The following EPHX3 variants were observed in gnomAD, a reference collection of about 807,000 sequenced individuals.
The protein encoded by EPHX3 is epoxide hydrolase 3.
In EPHX3, 39 loss-of-function variants were observed where a neutral mutation model predicts 40.2. That is an observed-to-expected ratio of 0.97 (90% confidence interval 0.75 to 1.27). EPHX3 has a LOEUF of 1.27. Among genes scored for constraint, EPHX3 ranks in the 50% most tolerant of loss-of-function variants. EPHX3 has a pLI of 0.00. For missense variants in EPHX3, 442 were observed against 474.0 expected (o/e 0.93, Z 0.63); for synonymous variants, 213 against 209.7 (o/e 1.02, Z -0.14).
chr19:15,232,247 C>A lies in EPHX3; in HGVS notation c.-36G>T. 6.9e-7 allele frequency: 1 copy of A among 1,450,830 alleles called. No homozygotes were observed. The highest frequency in any genetic ancestry group is 1.4e-5 in the South Asian group (1 of 71,866). 89.9% of individuals were successfully genotyped at this position (1,450,830 alleles called of 1,614,324 possible). ...TCCGGGACCACGGCGGCGCTGCCGG[C>A]CAGGGGCACCTGCAGCAGCGGCGAA... is the stretch of plus-strand genomic sequence containing the variant. On this transcript the variant is annotated 5_prime_UTR_variant, in exon 1 of 7. Transcript: ENST00000221730.
intron 4 of EPHX3, among the ~76,000 whole-genome samples, chr19:15,229,406 C>T (rs1008992284): frequency 1.3e-5 from 2 of 151,800 alleles, no homozygotes; most frequent in Non-Finnish European, 2.9e-5. Context: ...TCAAGACCAG[C>T]CTGGCCAACA....
upstream of EPHX3, chr19:15,235,695 G>A (rs2047187612): frequency 6.6e-6 from 1 of 152,194 alleles, no homozygotes. Context: ...CGTGCATACA[G>A]TACAGTGGGG....
At position 15,228,061 on chromosome 19, in the gene EPHX3, T is replaced by C; in HGVS notation, c.656A>G (p.His219Arg). 1 of 1,371,632 alleles carries C rather than the reference T, an allele frequency of 7.3e-7. No individual in the cohort carries two copies. The highest frequency in any genetic ancestry group is 1.1e-5 in the South Asian group (1 of 87,718). The allele number at this position is 1,371,632 out of a possible 1,614,324, so 85.0% of individuals were successfully genotyped here. ...LHHISQFFRS[H>R]YMFLFQLPWL... ...GGGCAGCTGGAACAGGAACATGTAG[T>C]GGGAACGGAAGAACTGGCTGATGTG... is the stretch of plus-strand genomic sequence containing the variant. The change falls in exon 5 of 7, where the codon CAC becomes CGC. Residue 219 changes from histidine (H) to arginine (R), a missense_variant. By Grantham distance (29) the His-to-Arg change is conservative (BLOSUM62 0). Coordinates refer to ENST00000221730, the MANE Select transcript of EPHX3 (RefSeq NM_024794.3).
upstream of EPHX3, among the ~76,000 whole-genome samples, chr19:15,235,119 A>G (rs2047182100): frequency 6.6e-6 from 1 of 151,974 alleles, no homozygotes; most frequent in Non-Finnish European, 1.5e-5. Flanking sequence ...CTCCTGCCTC[A>G]GCCTCCGGAG....
chr19:15,236,495 G>A (rs1435460565), upstream of EPHX3: 1 of 150,992 alleles, frequency 6.6e-6, no homozygotes, highest in Non-Finnish European at 1.5e-5. Context: ...CAAGTCCTTT[G>A]GTGAGTGGGG....
In EPHX3 at chr19:15,231,836, A is replaced by G. The variant is rs1599421894; in HGVS notation, c.269T>C (p.Val90Ala). ...LKSSGLRLHY[V>A]SAGRGNGPLM... ...GGGTCCGTTACCTCGTCCAGCCGAG[A>G]CATAGTGCAGACGCAGGCCCGAGCT... The change falls in exon 2 of 7, where the codon GTC becomes GCC. Residue 90 changes from valine to alanine, a missense_variant. Coordinates refer to ENST00000221730, the MANE Select transcript of EPHX3 (RefSeq NM_024794.3). 1 of 1,613,804 alleles carries G rather than the reference A, an allele frequency of 6.2e-7. No individual in the cohort carries two copies.
chr19:15,235,243 C>T (rs556700048), upstream of EPHX3, among the ~76,000 whole-genome samples: 1 of 152,018 alleles, frequency 6.6e-6, no homozygotes, highest in Non-Finnish European at 1.5e-5. Flanking sequence ...TGACCTCAAG[C>T]GATCCTCCCA....
In EPHX3 at chr19:15,232,293, C is replaced by A. The variant is rs1051765956; in HGVS notation, c.-82G>T. On this transcript the variant is annotated 5_prime_UTR_variant, in exon 1 of 7. Coordinates refer to ENST00000221730, the MANE Select transcript of EPHX3 (RefSeq NM_024794.3). ...GCGAAGCGGTGTCAGGGCTCAGGGG[C>A]CCATCGCCCTTGGCCTGGGGCCCCT... is the stretch of plus-strand genomic sequence containing the variant. 98 of 1,405,580 alleles carry A rather than the reference C, an allele frequency of 7.0e-5. No individual in the cohort carries two copies. Among genetic ancestry groups the A allele is most frequent in the Non-Finnish European group, 8.1e-5 (89 of 1,093,292 alleles). The allele number at this position is 1,405,580 out of a possible 1,614,324, so 87.1% of individuals were successfully genotyped here.
At chr19:15,228,996 A>G (rs912052627) in intron 4 of EPHX3, among the ~76,000 whole-genome samples, 1 of 151,946 alleles carries the variant, frequency 6.6e-6, no homozygotes, top group African/African-American at 2.4e-5. Context: ...CTCAAAGGAA[A>G]AAAAACAAAA....
At chr19:15,229,350 A>G (rs2047135661) in intron 4 of EPHX3, among the ~76,000 whole-genome samples, 1 of 152,166 alleles carries the variant, frequency 6.6e-6, no homozygotes, top group Admixed American at 6.5e-5. Context: ...CTGTAATCCC[A>G]GCACTTTGGG....
chr19:15,232,131 C>T lies in EPHX3; in HGVS notation c.81G>A (p.Leu27=). The stretch of plus-strand genomic sequence containing the variant: ...CGGCCACCAGCGCCACCGAGAACAC[C>T]AGGCTCCACATGAAGGCGCGCAGCA... ...LKLLRAFMWS[L]VFSVALVAAA... is the part of the protein sequence containing the mutation. Residue 27 remains leucine (L), a synonymous_variant, in exon 1 of 7, where the codon CTG becomes CTA. Coordinates refer to ENST00000221730, the MANE Select transcript of EPHX3 (RefSeq NM_024794.3). 1 of 1,541,208 alleles carries T rather than the reference C, an allele frequency of 6.5e-7. No individual in the cohort carries two copies. Among genetic ancestry groups the T allele is most frequent in the Non-Finnish European group, 8.7e-7 (1 of 1,150,708 alleles).
chr19:15,229,039 C>T (rs914917301), intron 4 of EPHX3, among the ~76,000 whole-genome samples: 1 of 152,114 alleles, frequency 6.6e-6, no homozygotes, highest in African/African-American at 2.4e-5. Flanking sequence ...AGACAAAAAA[C>T]TCCCTGCCCT....
Position 15,227,306 on chromosome 19 carries a change from G to T in EPHX3, c.*131C>A. On this transcript the variant is annotated 3_prime_UTR_variant, in exon 7 of 7. Transcript: ENST00000221730. ...AGGTGCGCTTGTGTGGGATCCAGGA[G>T]TCCCATGCCTATGAGCGATTCAAGA... 1 of 746,314 alleles carries T rather than the reference G, an allele frequency of 1.3e-6. No individual in the cohort carries two copies. Among genetic ancestry groups the T allele is most frequent in the Non-Finnish European group, 2.2e-6 (1 of 445,474 alleles). The allele number at this position is 746,314 out of a possible 1,614,324, so 46.2% of individuals were successfully genotyped here.
chr19:15,231,757 C>T lies in EPHX3; in HGVS notation c.329+19G>A. On this transcript the variant is annotated intron_variant, in intron 2 of 6. Transcript: ENST00000221730. The stretch of plus-strand genomic sequence containing the variant: ...GCCCCCGAGTCCCGTGGGCCTCAGG[C>T]CCCTGGCCCCAGACGTACCAGTTCT... 6.2e-7 allele frequency: 1 copy of T among 1,613,236 alleles called. No homozygotes were observed. Among genetic ancestry groups the T allele is most frequent in the Non-Finnish European group, 8.5e-7 (1 of 1,179,474 alleles).
At position 15,227,812 on chromosome 19, in the gene EPHX3, A is replaced by AC; in HGVS notation, c.815dup (p.Gly273TrpfsTer130). ...AGTAGTTGAGGGGCCCAGTGAGGCC[A>AC]CCAGGCTGTGAGAAGTTATAAAGGA... On this transcript the variant is annotated frameshift_variant, in exon 6 of 7. Transcript: ENST00000221730. LOFTEE classifies it high-confidence loss of function. The AC allele has an allele frequency of 6.2e-7, 1 of 1,614,000 alleles. No individual in the cohort carries two copies. The highest frequency in any genetic ancestry group is 8.5e-7 in the Non-Finnish European group (1 of 1,180,018).
intron 4 of EPHX3, among the ~76,000 whole-genome samples, 171 bp downstream of exon 4, chr19:15,230,791 C>T (rs1231585312): frequency 6.6e-6 from 1 of 151,962 alleles, no homozygotes; most frequent in East Asian, 1.9e-4. Context: ...CTGGGTCTGG[C>T]GTGTCATTAA....
At position 15,231,991 on chromosome 19, in the gene EPHX3, T is replaced by A. The variant is rs765638331; in HGVS notation, c.221A>T (p.Glu74Val). 1 of 1,609,862 alleles carries A rather than the reference T, an allele frequency of 6.2e-7. No homozygotes were observed. The highest frequency in any genetic ancestry group is 1.1e-5 in the South Asian group (1 of 91,022). The change falls in exon 1 of 7, where the codon GAG becomes GTG. Residue 74 changes from glutamate to valine, a missense_variant. By Grantham distance (121) the Glu-to-Val change is moderately radical. Coordinates refer to ENST00000221730, the MANE Select transcript of EPHX3 (RefSeq NM_024794.3). ...CACCTTGAGGTTCAGGAAACCGTGC[T>A]CACCCAGCGAGGGGTCGCTCAGGCA... ...PACLSDPSLG[E>V]HGFLNLKSSG...
intron 4 of EPHX3, among the ~76,000 whole-genome samples, chr19:15,229,637 A>G (rs907867878): frequency 3.3e-5 from 5 of 150,198 alleles, no homozygotes; most frequent in African/African-American, 7.4e-5. Flanking sequence ...GCTCACGCCT[A>G]TACTCCCAGC....
chr19:15,235,456 C>G (rs563457044), upstream of EPHX3: 4 of 151,852 alleles, frequency 2.6e-5, no homozygotes, highest in African/African-American at 9.7e-5. Flanking sequence ...ACTGACCCCC[C>G]GCCCTCATCT....
Sources: allele counts gnomAD v4.1 joint callset (sites outside exome capture counted in the v4.1 genomes callset), GRCh38; gene constraint gnomAD v4.1.1; transcripts MANE v1.5; gene names NCBI Gene and HGNC (gene_info 2026-07-23, HGNC 2026-07-21).